Variants in CNTNAP4 observed in about 807,000 individuals in gnomAD.
CNTNAP4 encodes the protein contactin-associated protein-like 4.
In CNTNAP4, 98 loss-of-function variants were observed where a neutral mutation model predicts 148.4. The observed-to-expected ratio is 0.66, with a 90% CI of 0.56 to 0.78. The LOEUF is 0.78. Among genes scored for constraint, CNTNAP4 ranks in the 30% least tolerant of loss-of-function variants. The pLI, the probability that CNTNAP4 is intolerant of heterozygous loss-of-function variation, is 0.00. For missense variants in CNTNAP4, 1,935 were observed against 1,565.6 expected (o/e 1.24, Z -3.98); for synonymous variants, 730 against 565.1 (o/e 1.29, Z -4.14).
intron 14 of CNTNAP4, 150 bp from the exon 15 acceptor site, chr16:76,498,417 C>G (rs780699652): frequency 2.3e-4 from 110 of 485,798 alleles, no homozygotes; most frequent in Non-Finnish European, 3.6e-4. Context: ...GTAAATAAAT[C>G]AAATGTCATT....
At chr16:76,284,426 G>T (rs969413954) in intron 1 of CNTNAP4, among the ~76,000 whole-genome samples, 6 of 151,976 alleles carry the variant, frequency 3.9e-5, no homozygotes, top group South Asian at 2.1e-4. Flanking sequence ...TGAAAGAAAT[G>T]CCCCAAACCT....
At chr16:76,326,966 CAAA>C (rs370233510) in intron 2 of CNTNAP4, among the ~76,000 whole-genome samples, 1 of 144,056 alleles carries the variant, frequency 6.9e-6, no homozygotes, top group Admixed American at 6.9e-5. Context: ...TTAAAAAATA[CAAA>C]AAAAAAAGAA....
At position 76,558,489 on chromosome 16, in the gene CNTNAP4, G is replaced by A; in HGVS notation, c.3734-1G>A. The stretch of plus-strand genomic sequence containing the variant: ...ACTTTATATTTCTTTTCTCTCTCTA[G>A]GTCTGATAGCTGTTGTGATTTTTAT... On this transcript the variant is annotated splice_acceptor_variant, in intron 23 of 23. Transcript: ENST00000611870. LOFTEE classifies it high-confidence loss of function. The A allele has an allele frequency of 6.4e-7, 1 of 1,571,708 alleles. No individual in the cohort carries two copies. The highest frequency in any genetic ancestry group is 8.7e-7 in the Non-Finnish European group (1 of 1,143,890).
At chr16:76,302,774 G>T (rs1182841939) in intron 1 of CNTNAP4, among the ~76,000 whole-genome samples, 1 of 152,100 alleles carries the variant, frequency 6.6e-6, no homozygotes, top group East Asian at 1.9e-4. Context: ...TATACAAGTG[G>T]CTGAAATCTT....
intron 2 of CNTNAP4, among the ~76,000 whole-genome samples, chr16:76,353,709 G>A (rs891921122): frequency 6.6e-6 from 1 of 152,066 alleles, no homozygotes; most frequent in African/African-American, 2.4e-5. Flanking sequence ...CCCTTATGCT[G>A]TCCTCTGGTG....
chr16:76,316,285 G>A (rs1198309230), intron 1 of CNTNAP4, 128 bp from the exon 2 acceptor site: 3 of 721,362 alleles, frequency 4.2e-6, no homozygotes, highest in South Asian at 1.5e-5. Context: ...GAAGTAGTAG[G>A]CATATTTTTA....
chr16:76,464,373 G>C (rs148762542), intron 9 of CNTNAP4, among the ~76,000 whole-genome samples: 1 of 152,222 alleles, frequency 6.6e-6, no homozygotes, highest in East Asian at 1.9e-4. Flanking sequence ...ACAGGCAGTG[G>C]GGTGATCAAC....
intron 17 of CNTNAP4, among the ~76,000 whole-genome samples, chr16:76,522,554 C>A (rs145298841): frequency 6.6e-6 from 1 of 151,614 alleles, no homozygotes; most frequent in African/African-American, 2.4e-5. Context: ...TATTTGCCTG[C>A]CTGCCTGCCT....
intron 1 of CNTNAP4, among the ~76,000 whole-genome samples, chr16:76,283,090 C>T (rs1359016228): frequency 1.3e-5 from 2 of 151,786 alleles, no homozygotes; most frequent in African/African-American, 2.4e-5. Flanking sequence ...TGATGAGATT[C>T]GTGATCATCC....
At chr16:76,384,032 G>T (rs1484944492) in intron 3 of CNTNAP4, among the ~76,000 whole-genome samples, 1 of 151,692 alleles carries the variant, frequency 6.6e-6, no homozygotes, top group Non-Finnish European at 1.5e-5. Context: ...TGTTTGTTTT[G>T]TTTTTTGTTA....
intron 3 of CNTNAP4, among the ~76,000 whole-genome samples, chr16:76,412,756 G>A (rs1424812591): frequency 1.3e-5 from 2 of 151,314 alleles, no homozygotes; most frequent in East Asian, 1.9e-4. Context: ...CTACCATTCT[G>A]TGGTTTCTTT....
At chr16:76,386,182 A>G (rs2016499345) in intron 3 of CNTNAP4, among the ~76,000 whole-genome samples, 1 of 152,186 alleles carries the variant, frequency 6.6e-6, no homozygotes, top group East Asian at 1.9e-4. Context: ...CAAATTCACA[A>G]TACAGTATCT....
intron 1 of CNTNAP4, among the ~76,000 whole-genome samples, chr16:76,313,230 G>A (rs1961334819): frequency 1.3e-5 from 2 of 152,154 alleles, no homozygotes; most frequent in Non-Finnish European, 2.9e-5. Flanking sequence ...GTTCCCTAGA[G>A]TGGTTGTACC....
At chr16:76,402,670 T>A in intron 3 of CNTNAP4, among the ~76,000 whole-genome samples, 1 of 152,162 alleles carries the variant, frequency 6.6e-6, no homozygotes, top group East Asian at 1.9e-4. Flanking sequence ...TAGATCTTTA[T>A]AACTTCTTGA....
rs900789941 is a variant in CNTNAP4 at position 76,449,016 on chromosome 16, G to A, written c.927+65G>A. On this transcript the variant is annotated intron_variant, in intron 6 of 23. Coordinates refer to ENST00000611870, the MANE Select transcript of CNTNAP4 (RefSeq NM_033401.5). ...GTATATGTGGTTTAATCTCCCAGAG[G>A]AAAATACACTATAAAGAGCCCACCT... 17 of 1,422,380 alleles carry A rather than the reference G, an allele frequency of 1.2e-5. No individual in the cohort carries two copies. The African/African-American group carries it at 2.4e-4, about 20-fold the overall frequency. The allele number at this position is 1,422,380 out of a possible 1,614,324, so 88.1% of individuals were successfully genotyped here.
chr16:76,417,162 A>G (rs1367736141), intron 3 of CNTNAP4, among the ~76,000 whole-genome samples: 2 of 151,488 alleles, frequency 1.3e-5, no homozygotes, highest in Non-Finnish European at 3.0e-5. Context: ...ATATACTCTG[A>G]CAATCTCTTT....
intron 3 of CNTNAP4, among the ~76,000 whole-genome samples, chr16:76,382,148 C>CT (rs75673519): frequency 0.17 from 24,158 of 145,508 alleles, 2,500 homozygotes; most frequent in East Asian, 0.47. Flanking sequence ...AGAAGCTAGA[C>CT]TTTTTTTTAA....
intron 3 of CNTNAP4, among the ~76,000 whole-genome samples, chr16:76,375,007 G>T (rs931818877): frequency 1.3e-5 from 2 of 152,038 alleles, no homozygotes; most frequent in Non-Finnish European, 2.9e-5. Flanking sequence ...GACCTCAGGT[G>T]ATCTGCCCGC....
At chr16:76,499,671 A>C (rs1157542993) in intron 15 of CNTNAP4, among the ~76,000 whole-genome samples, 2 of 150,004 alleles carry the variant, frequency 1.3e-5, no homozygotes, top group Admixed American at 1.3e-4. Flanking sequence ...CATGTGAACA[A>C]AGGTCTCTGG....
Sources: allele counts gnomAD v4.1 joint callset (sites outside exome capture counted in the v4.1 genomes callset), GRCh38; gene constraint gnomAD v4.1.1; transcripts MANE v1.5; gene names NCBI Gene and HGNC (gene_info 2026-07-23, HGNC 2026-07-21).